Variants in PTBP3 observed in about 807,000 individuals in gnomAD.
PTBP3 encodes the protein polypyrimidine tract binding protein 3.
Under a neutral mutation model 58.7 loss-of-function variants are expected in PTBP3, and 20 were observed. The ratio of observed to expected loss-of-function variants is 0.34; its 90% confidence interval spans 0.24 to 0.50. The LOEUF (loss-of-function observed/expected upper bound fraction) is 0.50. PTBP3 is among the 20% of genes least tolerant of loss of function. The pLI is 0.98. For synonymous variants in PTBP3, 185 were observed against 219.8 expected, an observed-to-expected ratio of 0.84 and a Z score of 1.40; for missense variants, 509 against 637.2, an observed-to-expected ratio of 0.80 and a Z score of 2.17.
At chr9:112,379,677 G>C in the PTBP3 span, among the ~76,000 whole-genome samples, 6 of 152,178 alleles carry the variant, frequency 3.9e-5, no homozygotes, top group Non-Finnish European at 7.3e-5. Flanking sequence ...CGCCAGGCTC[G>C]GGCGTAGGGG....
At chr9:112,252,517 T>TTG in intron 6 of PTBP3, 161 bp downstream of exon 6, 7 of 459,984 alleles carry the variant, frequency 1.5e-5, no homozygotes, top group East Asian at 1.1e-4. Flanking sequence ...ATTTTTAGCT[T>TTG]AGAAAAAAAA....
At chr9:112,378,455 A>G in the PTBP3 span, among the ~76,000 whole-genome samples, 91,515 of 152,086 alleles carry the variant, frequency 0.6, 27,918 homozygotes, top group Non-Finnish European at 0.64. Flanking sequence ...AATTCAAGAA[A>G]GGAGGCTCTA....
intron 1 of PTBP3, among the ~76,000 whole-genome samples, chr9:112,308,514 C>T (rs1406731715): frequency 6.6e-6 from 1 of 151,806 alleles, no homozygotes; most frequent in Non-Finnish European, 1.5e-5. Context: ...GTCTCAAATG[C>T]AATTTTCCGT....
At chr9:112,336,497 T>C (rs1260506744), upstream of PTBP3, among the ~76,000 whole-genome samples, 2 of 128,420 alleles carry the variant, frequency 1.6e-5, no homozygotes, top group Non-Finnish European at 3.2e-5. Flanking sequence ...AAAAAAAAAT[T>C]TGGCTGGGCA....
At chr9:112,326,699 G>A (rs370350765) in intron 1 of PTBP3, among the ~76,000 whole-genome samples, 42 of 152,022 alleles carry the variant, frequency 2.8e-4, no homozygotes, top group African/African-American at 8.7e-4. Flanking sequence ...TACTCTAATC[G>A]CTACTACAGT....
At chr9:112,251,990 GACTAGCAAAA>G (rs1175640266) in intron 6 of PTBP3, among the ~76,000 whole-genome samples, 2 of 151,984 alleles carry the variant, frequency 1.3e-5, no homozygotes, top group East Asian at 3.9e-4. Flanking sequence ...AAGTAGAAAT[GACTAGCAAAA>G]ACTGCTACAA....
intron 7 of PTBP3, among the ~76,000 whole-genome samples, chr9:112,236,971 T>C (rs770576178): frequency 1.4e-4 from 21 of 151,916 alleles, no homozygotes; most frequent in Non-Finnish European, 2.5e-4. Flanking sequence ...CAACCACTGA[T>C]GAGGGGGAGT....
chr9:112,254,807 T>A (rs916357450), intron 5 of PTBP3, among the ~76,000 whole-genome samples: 2 of 152,190 alleles, frequency 1.3e-5, no homozygotes, highest in Non-Finnish European at 2.9e-5. Flanking sequence ...GGAAAAAGTA[T>A]GACCTTTCCT....
intron 12 of PTBP3, among the ~76,000 whole-genome samples, chr9:112,224,577 C>T (rs562186097): frequency 6.6e-6 from 1 of 152,314 alleles, no homozygotes; most frequent in African/African-American, 2.4e-5. Flanking sequence ...GACTTGTCTG[C>T]TACAGTCTGG....
At chr9:112,262,278 T>C (rs923103163) in intron 5 of PTBP3, among the ~76,000 whole-genome samples, 157 bp downstream of exon 5, 1 of 152,174 alleles carries the variant, frequency 6.6e-6, no homozygotes, top group Non-Finnish European at 1.5e-5. Context: ...TGTCAAAAAA[T>C]TACCTCTAAT....
At chr9:112,376,197 ACGTGTGTG>A in the PTBP3 span, among the ~76,000 whole-genome samples, 975 of 112,062 alleles carry the variant, frequency 8.7e-3, 55 homozygotes, top group African/African-American at 0.035. Flanking sequence ...TTCCTTATAT[ACGTGTGTG>A]TGTGTGTGTG....
chr9:112,321,136 T>C (rs1829930606), intron 1 of PTBP3, among the ~76,000 whole-genome samples: 1 of 152,068 alleles, frequency 6.6e-6, no homozygotes, highest in Non-Finnish European at 1.5e-5. Flanking sequence ...ATATTCACAA[T>C]ATATAAAGAA....
intron 6 of PTBP3, 58 bp from the exon 7 acceptor site, chr9:112,251,161 A>G: frequency 7.5e-7 from 1 of 1,332,868 alleles, no homozygotes; most frequent in Non-Finnish European, 9.9e-7. Context: ...ATAACCAAGA[A>G]GCCTCTACTT....
At position 112,317,237 on chromosome 9, in the gene PTBP3, C is replaced by A. The variant is rs183792491; in HGVS notation, c.-52+16233G>T. ...TCCAGCCTGGGCAACACAGTGAGAC[C>A]CCATATCCAAAAAAAAAGAAAAAAA... is the stretch of plus-strand genomic sequence containing the variant. On this transcript the variant is annotated intron_variant, in intron 1 of 13. Transcript: ENST00000374257. 2.8e-4 allele frequency among the ~76,000 whole-genome samples: 42 copies of A among 151,298 alleles called. No individual in the cohort carries two copies. The East Asian group carries it at 6.6e-3, about 24-fold the overall frequency.
chr9:112,374,567 A>C, the PTBP3 span, among the ~76,000 whole-genome samples: 1 of 152,202 alleles, frequency 6.6e-6, no homozygotes, highest in Non-Finnish European at 1.5e-5. Flanking sequence ...TGTAATTGTG[A>C]CATCAAAAGG....
the PTBP3 span, among the ~76,000 whole-genome samples, chr9:112,366,516 C>A: frequency 6.6e-6 from 1 of 152,084 alleles, no homozygotes; most frequent in Non-Finnish European, 1.5e-5. Flanking sequence ...AGAGCTTGGG[C>A]CATGGCTTCC....
chr9:112,371,644 AGAT>A, the PTBP3 span, among the ~76,000 whole-genome samples: 1 of 106,536 alleles, frequency 9.4e-6, no homozygotes, highest in Non-Finnish European at 1.7e-5. Context: ...AGTTTTTAGT[AGAT>A]TTTTTTTTTT....
rs747249256 is a variant in PTBP3 at position 112,332,799 on chromosome 9, A to AT, written c.-52+670dup. 36 of 1,612,634 alleles carry AT rather than the reference A, an allele frequency of 2.2e-5. No homozygotes were observed. The South Asian group carries it at 3.3e-4, about 15-fold the overall frequency. On this transcript the variant is annotated intron_variant, in intron 1 of 13. Coordinates refer to ENST00000374257, the MANE Select transcript of PTBP3 (RefSeq NM_001163788.4). ...TTTTACATACACGGGCAGATAATTC[A>AT]TTAAGTTTCTTGGGGAGAGAGAAAG...
At chr9:112,321,008 A>C (rs1829924629) in intron 1 of PTBP3, among the ~76,000 whole-genome samples, 1 of 152,216 alleles carries the variant, frequency 6.6e-6, no homozygotes, top group South Asian at 2.1e-4. Context: ...CTAAAAGGAA[A>C]AGAAATTAAA....
Sources: allele counts gnomAD v4.1 joint callset (sites outside exome capture counted in the v4.1 genomes callset), GRCh38; gene constraint gnomAD v4.1.1; transcripts MANE v1.5; gene names NCBI Gene and HGNC (gene_info 2026-07-23, HGNC 2026-07-21).